Variants in CSF2RA observed in about 807,000 individuals in gnomAD.
CSF2RA encodes the protein granulocyte-macrophage colony-stimulating factor receptor subunit alpha.
CSF2RA carries 42 observed loss-of-function variants against 51.6 expected under a neutral mutation model. The ratio of observed to expected loss-of-function variants is 0.81; its 90% CI spans 0.64 to 1.05. CSF2RA has a LOEUF of 1.05. Ranked by LOEUF, CSF2RA falls within the 50% of genes least tolerant of loss-of-function variation. The pLI, the probability that CSF2RA is intolerant of heterozygous loss-of-function variation, is 0.00. For missense variants in CSF2RA, 530 were observed against 501.1 expected (o/e 1.06, Z -0.55); for synonymous variants, 222 against 193.0 (o/e 1.15, Z -1.24).
At chrX:1,314,555 C>T (rs1215017061), downstream of CSF2RA, among the ~76,000 whole-genome samples, 1 of 98,538 alleles carries the variant, frequency 1.0e-5, no homozygotes, top group African/African-American at 4.1e-5. Context: ...TCCCACTGCA[C>T]CTGCCCAATC....
chrX:1,293,499 G>T (rs1167688684), intron 7 of CSF2RA, among the ~76,000 whole-genome samples: 2 of 152,116 alleles, frequency 1.3e-5, no homozygotes, highest in African/African-American at 4.8e-5. Flanking sequence ...GATTACAGGC[G>T]TGAGCCACCG....
intron 2 of CSF2RA, among the ~76,000 whole-genome samples, chrX:1,280,396 G>A (rs767989692): frequency 5.3e-5 from 8 of 151,198 alleles, no homozygotes; most frequent in South Asian, 2.1e-4. Flanking sequence ...GCTTGAACCC[G>A]GGAGGCGGAG....
chrX:1,294,304 G>A lies in CSF2RA; in HGVS notation c.647-24G>A, dbSNP rs756084699. 12 of 1,612,442 alleles carry A rather than the reference G, an allele frequency of 7.4e-6. 1 individual carries two copies. Among genetic ancestry groups the A allele is most frequent in the Middle Eastern group, 2.0e-4 (1 of 4,946 alleles). ...TAGACAGGACCTCTCGGGTTCAGGGGTGTGTCCTGCGCCCTCGTTACAGAA... is the reference window on the plus strand; with the variant it reads ...TAGACAGGACCTCTCGGGTTCAGGGATGTGTCCTGCGCCCTCGTTACAGAA... On this transcript the variant is annotated intron_variant, in intron 7 of 12. Coordinates refer to ENST00000381529, the MANE Select transcript of CSF2RA (RefSeq NM_172245.4).
At chrX:1,289,935 TTG>T (rs2091213274) in intron 6 of CSF2RA, among the ~76,000 whole-genome samples, 1 of 150,706 alleles carries the variant, frequency 6.6e-6, no homozygotes, top group African/African-American at 2.4e-5. Context: ...TTGTTTTGTT[TTG>T]TGTTTTTGTG....
chrX:1,290,649 G>A (rs779044674), intron 7 of CSF2RA, 140 bp downstream of exon 7: 2 of 854,036 alleles, frequency 2.3e-6, no homozygotes, highest in Non-Finnish European at 4.0e-6. Flanking sequence ...CCGATCACCT[G>A]AGATCGGGTG....
chrX:1,290,459 G>A lies in CSF2RA; in HGVS notation c.596G>A (p.Arg199Gln), dbSNP rs144461826. ...TACTTTCTGGTTAACGGAACCAGCC[G>A]AGAAATTGGCATCCAATTCTTTGAT... ...RNYFLVNGTSREIGIQFFDSL... is the reference protein window; with the variant it reads ...RNYFLVNGTSQEIGIQFFDSL... The change falls in exon 7 of 13, where the codon CGA (arginine) becomes CAA (glutamine). Residue 199 changes from arginine to glutamine, a missense_variant. Transcript: ENST00000381529. 3.2e-5 allele frequency: 52 copies of A among 1,613,746 alleles called. No homozygotes were observed. Among genetic ancestry groups the A allele is most frequent in the Admixed American group, 5.0e-5 (3 of 59,956 alleles).
intron 8 of CSF2RA, 70 bp from the exon 9 acceptor site, chrX:1,295,355 CTG>C (rs2091840375): frequency 1.3e-6 from 2 of 1,594,400 alleles, no homozygotes; most frequent in Non-Finnish European, 1.7e-6. Flanking sequence ...AGGGGAGACA[CTG>C]TGTGAACCAT....
At chrX:1,296,963 A>C (rs1305422713) in intron 9 of CSF2RA, among the ~76,000 whole-genome samples, 2 of 82,718 alleles carry the variant, frequency 2.4e-5, no homozygotes, top group South Asian at 4.5e-4. Flanking sequence ...TCTCCTACCC[A>C]TGACCCCTGG....
At chrX:1,314,900 GCTCAACCCCACTTCA>G (rs1418838659), downstream of CSF2RA, among the ~76,000 whole-genome samples, 9 of 53,652 alleles carry the variant, frequency 1.7e-4, no homozygotes, top group South Asian at 5.6e-4. Context: ...CACTGAACCT[GCTCAACCCCACTTCA>G]CCTGCCCAAC....
At chrX:1,300,724 G>A in intron 10 of CSF2RA, 98 bp downstream of exon 10, 1 of 1,501,700 alleles carries the variant, frequency 6.7e-7, no homozygotes, top group Non-Finnish European at 9.3e-7. Flanking sequence ...CTGAGATCGA[G>A]TTGAGCACGT....
Position 1,309,589 on chromosome X carries a change from A to G in CSF2RA, c.*110A>G, listed in dbSNP as rs756241134. 2 of 1,613,650 alleles carry G rather than the reference A, an allele frequency of 1.2e-6. No homozygotes were observed. Among genetic ancestry groups the G allele is most frequent in the Admixed American group, 3.3e-5 (2 of 59,974 alleles). ...ATATCATTTTCTATGTTTTTATTTAAAAACATGACATTTGGGGCCAGGCGC... is the reference window on the plus strand; with the variant it reads ...ATATCATTTTCTATGTTTTTATTTAGAAACATGACATTTGGGGCCAGGCGC... On this transcript the variant is annotated 3_prime_UTR_variant, in exon 13 of 13. Transcript: ENST00000381529.
In CSF2RA at chrX:1,304,658, G is replaced by T. The variant is rs1187247478; in HGVS notation, c.1043+639G>T. Among the ~76,000 whole-genome samples, 5 of 142,158 alleles carry T rather than the reference G, an allele frequency of 3.5e-5. No individual in the cohort carries two copies. In the East Asian group the frequency reaches 1.0e-3, roughly 29 times the overall value. The allele number at this position is 142,158 out of a possible 152,430, so 93.3% of individuals were successfully genotyped here. A position where few individuals can be genotyped will look rare whatever the true frequency, so the allele number is the denominator to read the frequency against. On this transcript the variant is annotated intron_variant, in intron 11 of 12. Transcript: ENST00000381529. The stretch of plus-strand genomic sequence containing the variant: ...GTTGGAGGTGGGTTTTTTTTTGTTT[G>T]TTTGTTTTTTTGTTTTTTGTTTTGA...
At chrX:1,316,260 TGATA>T in the CSF2RA span, among the ~76,000 whole-genome samples, 23,536 of 92,966 alleles carry the variant, frequency 0.25, 2,380 homozygotes, top group Middle Eastern at 0.35. Context: ...ATTAGATAGA[TGATA>T]GATAGATAGA....
intron 9 of CSF2RA, 91 bp from the exon 10 acceptor site, chrX:1,300,399 GA>G: frequency 1.4e-6 from 2 of 1,464,706 alleles, no homozygotes; most frequent in Non-Finnish European, 1.9e-6. Context: ...AAGAAAAGGA[GA>G]AAAAAACTTA....
chrX:1,314,970 G>GCACC (rs1569515166), downstream of CSF2RA, among the ~76,000 whole-genome samples: 11 of 112,602 alleles, frequency 9.8e-5, no homozygotes, highest in African/African-American at 1.6e-4. Context: ...CAACCCCACT[G>GCACC]TGCCTGCCCA....
chrX:1,269,622 C>G (rs1364632089), intron 1 of CSF2RA, among the ~76,000 whole-genome samples: 1 of 75,154 alleles, frequency 1.3e-5, no homozygotes, highest in Non-Finnish European at 3.0e-5. Flanking sequence ...GATTCTGTCT[C>G]AAAAAAAAGA....
chrX:1,315,166 A>C (rs1290974846), downstream of CSF2RA, among the ~76,000 whole-genome samples: 1 of 152,126 alleles, frequency 6.6e-6, no homozygotes, highest in Non-Finnish European at 1.5e-5. Context: ...AGGGTTGTGC[A>C]GGTGGAGAAA....
chrX:1,295,646 C>A, intron 9 of CSF2RA, 190 bp downstream of exon 9: 1 of 720,964 alleles, frequency 1.4e-6, no homozygotes, highest in East Asian at 2.6e-5. Flanking sequence ...TACTCATGAC[C>A]CCTACAGTCC....
chrX:1,276,718 A>T (rs777644830), intron 2 of CSF2RA, among the ~76,000 whole-genome samples: 1 of 152,160 alleles, frequency 6.6e-6, no homozygotes, highest in Non-Finnish European at 1.5e-5. Context: ...TCAAGTAAAT[A>T]TATTTTGGGG....
Sources: allele counts gnomAD v4.1 joint callset (sites outside exome capture counted in the v4.1 genomes callset), GRCh38; gene constraint gnomAD v4.1.1; transcripts MANE v1.5; gene names NCBI Gene and HGNC (gene_info 2026-07-23, HGNC 2026-07-21).